TBC1D14: variants seen among roughly 807,000 people sequenced by gnomAD.
The protein encoded by TBC1D14 is TBC1 domain family, member 14.
A neutral mutation model predicts 79.0 loss-of-function variants in TBC1D14; 26 were observed. The ratio of observed to expected loss-of-function variants is 0.33; its 90% CI spans 0.24 to 0.46. The LOEUF is 0.46. Among genes scored for constraint, TBC1D14 ranks in the 20% least tolerant of loss-of-function variants. TBC1D14 has a pLI of 1.00. For synonymous variants in TBC1D14, 394 were observed against 349.9 expected (o/e 1.13, Z -1.40); for missense variants, 769 against 887.6 (o/e 0.87, Z 1.70).
In TBC1D14 at chr4:6,994,310, TAAG is replaced by T; in HGVS notation, c.962+13_962+15del. The T allele has an allele frequency of 1.2e-6, 2 of 1,611,054 alleles. No homozygotes were observed. Among genetic ancestry groups the T allele is most frequent in the South Asian group, 1.1e-5 (1 of 91,032 alleles). On this transcript the variant is annotated intron_variant, in intron 4 of 13. Coordinates refer to ENST00000409757, the MANE Select transcript of TBC1D14 (RefSeq NM_020773.3). ...CCTCGAGGACAGACCAGCGTGAGTT[TAAG>T]AAGACTCTCTTTAGAGTGTTTGCTT...
intron 2 of TBC1D14, chr4:6,954,389 T>C: frequency 1.4e-6 from 1 of 717,456 alleles, no homozygotes; most frequent in South Asian, 1.5e-5. Context: ...GAGACTTAAC[T>C]GGAAGCAGAG....
intron 2 of TBC1D14, among the ~76,000 whole-genome samples, chr4:6,963,497 C>T (rs943321092): frequency 6.6e-6 from 1 of 152,212 alleles, no homozygotes; most frequent in Non-Finnish European, 1.5e-5. Flanking sequence ...TCTCACTGCA[C>T]GTGACCTGAG....
At chr4:6,945,971 T>C (rs1325874467) in intron 2 of TBC1D14, among the ~76,000 whole-genome samples, 3 of 152,036 alleles carry the variant, frequency 2.0e-5, no homozygotes, top group Non-Finnish European at 4.4e-5. Context: ...CTCAGGATGC[T>C]TGAAAACTCC....
intron 3 of TBC1D14, among the ~76,000 whole-genome samples, chr4:6,993,684 T>C (rs966708217): frequency 3.9e-5 from 6 of 152,182 alleles, no homozygotes; most frequent in Non-Finnish European, 8.8e-5. Flanking sequence ...TGCAGTCATA[T>C]CATAAAGCAA....
intron 2 of TBC1D14, among the ~76,000 whole-genome samples, chr4:6,931,824 G>C (rs1191278273): frequency 6.6e-6 from 1 of 152,034 alleles, no homozygotes; most frequent in African/African-American, 2.4e-5. Context: ...CACTGTTCTA[G>C]GTGCTTGGGA....
chr4:6,914,914 C>A (rs1723276123), intron 1 of TBC1D14, among the ~76,000 whole-genome samples: 1 of 152,188 alleles, frequency 6.6e-6, no homozygotes, highest in Non-Finnish European at 1.5e-5. Flanking sequence ...TGGTGGGCGG[C>A]TGTAATCCCA....
intron 2 of TBC1D14, among the ~76,000 whole-genome samples, chr4:6,928,852 G>T (rs1466326855): frequency 4.6e-5 from 7 of 152,138 alleles, no homozygotes; most frequent in Admixed American, 6.5e-5. Flanking sequence ...GGATTAAATG[G>T]GGAGGAAATG....
chr4:6,939,463 T>C (rs529950226), intron 2 of TBC1D14, among the ~76,000 whole-genome samples: 1 of 152,168 alleles, frequency 6.6e-6, no homozygotes, highest in Admixed American at 6.5e-5. Context: ...TCTCACTTAT[T>C]GTACGCTGGT....
chr4:6,995,152 C>T (rs1718882298), intron 4 of TBC1D14, among the ~76,000 whole-genome samples: 2 of 152,188 alleles, frequency 1.3e-5, no homozygotes, highest in South Asian at 2.1e-4. Context: ...GTTACAAGCA[C>T]GCTTCTGAAA....
chr4:6,961,369 C>A (rs1254104733), intron 2 of TBC1D14, among the ~76,000 whole-genome samples: 1 of 151,682 alleles, frequency 6.6e-6, no homozygotes, highest in African/African-American at 2.4e-5. Context: ...TGGGCACTCC[C>A]CATTCTTGTC....
intron 3 of TBC1D14, among the ~76,000 whole-genome samples, chr4:6,967,886 T>C (rs6831129): frequency 0.75 from 114,484 of 152,072 alleles, 43,499 homozygotes; most frequent in East Asian, 0.97. Context: ...TTGCTCACCC[T>C]GAGGCTGCCT....
chr4:6,929,441 G>A (rs988377774), intron 2 of TBC1D14, among the ~76,000 whole-genome samples: 2 of 152,158 alleles, frequency 1.3e-5, no homozygotes, highest in African/African-American at 4.8e-5. Context: ...AGCAAAGCCC[G>A]TTGACAGCTC....
At chr4:6,996,146 CTTGTTT>C (rs1719023308) in intron 4 of TBC1D14, among the ~76,000 whole-genome samples, 173 bp from the exon 5 acceptor site, 1 of 152,158 alleles carries the variant, frequency 6.6e-6, no homozygotes, top group Admixed American at 6.5e-5. Flanking sequence ...TTATAGTGAA[CTTGTTT>C]TTGTTTTTGT....
At chr4:6,923,269 G>C in intron 1 of TBC1D14, 104 bp from the exon 2 acceptor site, 2 of 1,329,182 alleles carry the variant, frequency 1.5e-6, no homozygotes, top group Non-Finnish European at 2.0e-6. Flanking sequence ...CCTTTTCAAG[G>C]CTTTCTCCCT....
At chr4:7,010,598 C>A in intron 10 of TBC1D14, 55 bp from the exon 11 acceptor site, 1 of 1,584,964 alleles carries the variant, frequency 6.3e-7, no homozygotes, top group South Asian at 1.2e-5. Flanking sequence ...AATGAACACA[C>A]TACGGTGACC....
chr4:6,912,554 C>T (rs1002177768), intron 1 of TBC1D14, among the ~76,000 whole-genome samples: 7 of 152,100 alleles, frequency 4.6e-5, no homozygotes, highest in African/African-American at 1.4e-4. Flanking sequence ...CAGTATCACA[C>T]GGCAGGTGTG....
intron 13 of TBC1D14, among the ~76,000 whole-genome samples, chr4:7,028,429 GTTTGTTT>G (rs1722690823): frequency 6.7e-6 from 1 of 149,348 alleles, no homozygotes; most frequent in Non-Finnish European, 1.5e-5. Context: ...TCAGTTTTTT[GTTTGTTT>G]TTTTTTTGAG....
At chr4:6,925,295 G>A (rs779151306) in intron 2 of TBC1D14, among the ~76,000 whole-genome samples, 2 of 152,136 alleles carry the variant, frequency 1.3e-5, no homozygotes, top group Non-Finnish European at 2.9e-5. Flanking sequence ...AAAAAGAATC[G>A]TGATCTGCTC....
intron 2 of TBC1D14, among the ~76,000 whole-genome samples, chr4:6,963,406 T>C (rs1715419626): frequency 6.6e-6 from 1 of 152,222 alleles, no homozygotes; most frequent in Non-Finnish European, 1.5e-5. Context: ...GGTCTCCCTG[T>C]CGGGCAGACA....
Sources: allele counts gnomAD v4.1 joint callset (sites outside exome capture counted in the v4.1 genomes callset), GRCh38; gene constraint gnomAD v4.1.1; transcripts MANE v1.5; gene names NCBI Gene and HGNC (gene_info 2026-07-23, HGNC 2026-07-21).